Variants in SSH2 observed in about 807,000 individuals in gnomAD.
The protein encoded by SSH2 is slingshot protein phosphatase 2.
A neutral mutation model predicts 135.2 loss-of-function variants in SSH2; 37 were observed. The ratio of observed to expected loss-of-function variants is 0.27; its 90% CI spans 0.21 to 0.36. The LOEUF (loss-of-function observed/expected upper bound fraction) is 0.36, where lower values mean the gene tolerates loss of function less well. Among genes scored for constraint, SSH2 ranks in the 10% least tolerant of loss-of-function variants. SSH2 has a pLI of 1.00. For missense variants in SSH2, 1,408 were observed against 1,765.3 expected (o/e 0.80, Z 3.63); for synonymous variants, 628 against 646.2 (o/e 0.97, Z 0.43).
At chr17:29,879,192 AT>A (rs2066091006) in intron 1 of SSH2, among the ~76,000 whole-genome samples, 1 of 152,200 alleles carries the variant, frequency 6.6e-6, no homozygotes, top group Non-Finnish European at 1.5e-5. Context: ...AACTAAGAAT[AT>A]TGAAAATCTG....
chr17:29,631,033 C>A lies in SSH2; in HGVS notation c.4161G>T (p.Arg1387Ser), dbSNP rs142238493. 6.2e-7 allele frequency: 1 copy of A among 1,614,022 alleles called. No individual in the cohort carries two copies. Among genetic ancestry groups the A allele is most frequent in the African/African-American group, 1.3e-5 (1 of 74,908 alleles). The change falls in exon 16 of 16, where the codon AGG becomes AGT. Residue 1387 changes from arginine to serine, a missense_variant. Arg to Ser is a moderately radical substitution (Grantham distance 110, BLOSUM62 -1). Coordinates refer to ENST00000540801, the MANE Select transcript of SSH2 (RefSeq NM_001282129.2). ...FGSSQQYLLP[R>S]AGLELTSSEG... is the part of the protein sequence containing the mutation. Reference sequence around the variant, plus strand: ...CAGAACTAGTCAATTCAAGTCCTGCCCTGGGGAGCAAATACTGCTGACTAG... The same window carrying A: ...CAGAACTAGTCAATTCAAGTCCTGCACTGGGGAGCAAATACTGCTGACTAG...
At chr17:29,821,017 T>C (rs1482572476) in intron 2 of SSH2, among the ~76,000 whole-genome samples, 1 of 152,098 alleles carries the variant, frequency 6.6e-6, no homozygotes, top group East Asian at 1.9e-4. Context: ...TTCCAAACCA[T>C]ATCAAGTTAT....
chr17:29,745,679 A>G (rs1475147901), intron 3 of SSH2, among the ~76,000 whole-genome samples: 1 of 152,218 alleles, frequency 6.6e-6, no homozygotes, highest in Non-Finnish European at 1.5e-5. Flanking sequence ...GATGGAAATG[A>G]CAGAATGTTT....
At chr17:29,828,911 C>A (rs2042790518) in intron 2 of SSH2, among the ~76,000 whole-genome samples, 1 of 152,194 alleles carries the variant, frequency 6.6e-6, no homozygotes, top group Non-Finnish European at 1.5e-5. Flanking sequence ...AGCTTCAAAG[C>A]AAAACCCCAG....
chr17:29,795,810 C>T (rs376320042), intron 2 of SSH2, among the ~76,000 whole-genome samples: 1 of 152,164 alleles, frequency 6.6e-6, no homozygotes, highest in East Asian at 1.9e-4. Context: ...GATGCGATCT[C>T]GACTCACTGC....
At chr17:29,879,460 A>G (rs2066097507) in intron 1 of SSH2, among the ~76,000 whole-genome samples, 1 of 150,938 alleles carries the variant, frequency 6.6e-6, no homozygotes, top group Admixed American at 6.6e-5. Context: ...CAGATTTCCT[A>G]TATATCCCCT....
At chr17:29,837,978 C>T (rs2042972050) in intron 2 of SSH2, among the ~76,000 whole-genome samples, 2 of 152,196 alleles carry the variant, frequency 1.3e-5, no homozygotes. Flanking sequence ...GAGCCTGGAG[C>T]AGGCGGGAGC....
In SSH2 at chr17:29,631,140, C is replaced by G; in HGVS notation, c.4054G>C (p.Glu1352Gln). 2 of 1,614,216 alleles carry G rather than the reference C, an allele frequency of 1.2e-6. No homozygotes were observed. Among genetic ancestry groups the G allele is most frequent in the Non-Finnish European group, 1.7e-6 (2 of 1,180,056 alleles). Reference sequence around the variant, plus strand: ...ATACACTCTGTTGTTGTGAGTTGTTCTACAAAAGACTTGGTGGGCTCTGGG... The same window carrying G: ...ATACACTCTGTTGTTGTGAGTTGTTGTACAAAAGACTTGGTGGGCTCTGGG... ...HNPEPTKSFV[E>Q]QLTTTECIVQ... Residue 1352 changes from glutamate (E) to glutamine (Q), a missense_variant, in exon 16 of 16, where the codon GAA becomes CAA. Around this residue, in one of 3 missense-constraint regions of SSH2, gnomAD observed 1,080 missense variants for 1,144.5 expected, o/e 0.94. Transcript: ENST00000540801.
chr17:29,911,627 T>C (rs1041859622), intron 1 of SSH2, among the ~76,000 whole-genome samples: 6 of 152,246 alleles, frequency 3.9e-5, no homozygotes, highest in Admixed American at 3.3e-4. Context: ...ATATATCAAT[T>C]TTCCAGATAA....
chr17:29,773,054 C>CATCT (rs2041622076), intron 3 of SSH2, among the ~76,000 whole-genome samples: 1 of 150,252 alleles, frequency 6.7e-6, no homozygotes, highest in South Asian at 2.1e-4. Flanking sequence ...TCCATCCATC[C>CATCT]ATCCATCATC....
chr17:29,655,393 G>A (rs1384348419), intron 12 of SSH2, among the ~76,000 whole-genome samples, 168 bp downstream of exon 12: 1 of 152,154 alleles, frequency 6.6e-6, no homozygotes, highest in Non-Finnish European at 1.5e-5. Context: ...GTGAGTCACC[G>A]TGCCCGGCCC....
chr17:29,676,982 G>T, intron 7 of SSH2, 97 bp from the exon 8 acceptor site: 1 of 967,096 alleles, frequency 1.0e-6, no homozygotes, highest in Admixed American at 1.9e-5. Context: ...AAAACAACTG[G>T]CTCCGTAGAG....
intron 1 of SSH2, among the ~76,000 whole-genome samples, chr17:29,849,855 AGTAT>A (rs745450386): frequency 0.37 from 35,462 of 96,590 alleles, 6,829 homozygotes; most frequent in East Asian, 0.62. Context: ...AAAAAAAAAA[AGTAT>A]ATATATATAT....
intron 2 of SSH2, among the ~76,000 whole-genome samples, chr17:29,828,751 G>C (rs1220239204): frequency 6.6e-6 from 1 of 152,176 alleles, no homozygotes; most frequent in African/African-American, 2.4e-5. Flanking sequence ...AATTAACCTT[G>C]ATCAACCTGA....
chr17:29,886,852 G>A (rs2066248863), intron 1 of SSH2, among the ~76,000 whole-genome samples: 1 of 151,794 alleles, frequency 6.6e-6, no homozygotes, highest in Non-Finnish European at 1.5e-5. Flanking sequence ...AGTTGCATAA[G>A]TAACAAGGGG....
intron 11 of SSH2, among the ~76,000 whole-genome samples, chr17:29,663,354 A>T (rs1188257009): frequency 6.6e-6 from 1 of 152,224 alleles, no homozygotes; most frequent in Non-Finnish European, 1.5e-5. Context: ...TGCAGCTAGA[A>T]TGCCTCTTTT....
chr17:29,782,922 T>A (rs1308589903), intron 3 of SSH2, among the ~76,000 whole-genome samples: 1 of 152,270 alleles, frequency 6.6e-6, no homozygotes, highest in East Asian at 1.9e-4. Flanking sequence ...GGTTTCACCA[T>A]GTTGGCCAGG....
chr17:29,922,699 A>G (rs2066997021), intron 1 of SSH2, among the ~76,000 whole-genome samples: 1 of 152,254 alleles, frequency 6.6e-6, no homozygotes, highest in Non-Finnish European at 1.5e-5. Flanking sequence ...TTATAATCCC[A>G]GCTAATCAGA....
rs575374165 is a variant in SSH2, at chr17:29,749,463, C to T, written c.188+44431G>A. On this transcript the variant is annotated intron_variant, in intron 3 of 15. Transcript: ENST00000540801. ...TACTATACTGAATACTGTAGGCCAA[C>T]TGTAACATAATGTTAAGTATTTGTA... Among the ~76,000 whole-genome samples, 150 of 152,266 alleles carry T rather than the reference C, an allele frequency of 9.9e-4. 1 individual carries two copies. The Middle Eastern group carries it at 0.02, about 21-fold the overall frequency.
Sources: allele counts gnomAD v4.1 joint callset (sites outside exome capture counted in the v4.1 genomes callset), GRCh38; gene constraint gnomAD v4.1.1; regional missense constraint gnomAD v4.1.1; transcripts MANE v1.5; gene names NCBI Gene and HGNC (gene_info 2026-07-23, HGNC 2026-07-21).